Variants in HSPA12A observed in about 807,000 individuals in gnomAD.
HSPA12A encodes heat shock 70 kDa protein 12A.
In HSPA12A, 28 loss-of-function variants were observed where a neutral mutation model predicts 69.2. That is an observed-to-expected ratio of 0.40 (90% CI 0.30 to 0.55). The LOEUF (loss-of-function observed/expected upper bound fraction) is 0.55. Ranked by LOEUF, HSPA12A falls within the 20% of genes least tolerant of loss-of-function variation. HSPA12A has a pLI of 0.38. For missense variants in HSPA12A, 686 were observed against 900.7 expected, an observed-to-expected ratio of 0.76 and a Z score of 3.05; for synonymous variants, 345 against 370.5, an observed-to-expected ratio of 0.93 and a Z score of 0.79.
intron 2 of HSPA12A, among the ~76,000 whole-genome samples, chr10:116,779,242 G>T (rs1207428049): frequency 2.0e-5 from 3 of 152,218 alleles, no homozygotes; most frequent in Admixed American, 2.0e-4. Context: ...CAACACGGAA[G>T]GTCCAGTGCA....
At position 116,710,622 on chromosome 10, in the gene HSPA12A, C is replaced by T. The variant is rs570365884; in HGVS notation, c.41-3337G>A. On this transcript the variant is annotated intron_variant, in intron 1 of 11. Coordinates refer to ENST00000369209, the MANE Select transcript of HSPA12A (RefSeq NM_025015.3). This position sits in a 1 kb window ranked among gnomAD's most constrained non-coding sequence, Gnocchi z 4.1. Reference sequence around the variant, plus strand: ...TCACTCAGCCAGGCCTAGAGGCAGCCGAACTTCATGGACTTTTTCCATCAG... The same window carrying T: ...TCACTCAGCCAGGCCTAGAGGCAGCTGAACTTCATGGACTTTTTCCATCAG... 1.3e-5 allele frequency among the ~76,000 whole-genome samples: 2 copies of T among 152,144 alleles called. No individual in the cohort carries two copies. The highest frequency in any genetic ancestry group is 2.4e-5 in the African/African-American group (1 of 41,436).
chr10:116,784,921 G>A (rs1844545266), intron 2 of HSPA12A, among the ~76,000 whole-genome samples: 1 of 152,188 alleles, frequency 6.6e-6, no homozygotes, highest in African/African-American at 2.4e-5. Flanking sequence ...CAGACAGGGA[G>A]GCAGCTGCTC....
intron 2 of HSPA12A, among the ~76,000 whole-genome samples, chr10:116,795,014 G>A (rs1207725336): frequency 1.3e-5 from 2 of 152,092 alleles, no homozygotes; most frequent in Non-Finnish European, 2.9e-5. Context: ...AGCCTTAATT[G>A]TGAATATATT....
intron 1 of HSPA12A, among the ~76,000 whole-genome samples, chr10:116,848,588 G>A (rs912003373): frequency 1.3e-5 from 2 of 152,084 alleles, no homozygotes; most frequent in African/African-American, 2.4e-5. Context: ...GTCCGTCGCC[G>A]CCCACTCCTG....
At chr10:116,757,329 G>T (rs1214211961) in intron 2 of HSPA12A, among the ~76,000 whole-genome samples, 1 of 152,170 alleles carries the variant, frequency 6.6e-6, no homozygotes, top group African/African-American at 2.4e-5. Flanking sequence ...AGCAGCTCTC[G>T]CATGGGCTGA....
intron 2 of HSPA12A, among the ~76,000 whole-genome samples, chr10:116,752,749 C>T (rs1434377798): frequency 5.9e-5 from 9 of 152,276 alleles, no homozygotes; most frequent in African/African-American, 1.9e-4. Context: ...ACTCATCTAC[C>T]CTCTCTGATT....
chr10:116,700,893 C>T (rs782004031), intron 4 of HSPA12A, 50 bp downstream of exon 4: 3 of 1,582,094 alleles, frequency 1.9e-6, no homozygotes, highest in South Asian at 2.3e-5. Flanking sequence ...CTGGAGGAAG[C>T]TTGGCACTCC....
intron 1 of HSPA12A, among the ~76,000 whole-genome samples, chr10:116,739,394 T>C (rs1662398726): frequency 1.3e-5 from 2 of 152,212 alleles, no homozygotes; most frequent in African/African-American, 2.4e-5. Context: ...GTTTAAAATG[T>C]TTATTTTTAT....
chr10:116,784,620 A>G (rs1554892140), intron 2 of HSPA12A, among the ~76,000 whole-genome samples: 2 of 152,194 alleles, frequency 1.3e-5, no homozygotes, highest in South Asian at 4.1e-4. Flanking sequence ...TATGATTGAC[A>G]TTTATGAAGT....
At chr10:116,767,422 G>A (rs1490975610) in intron 2 of HSPA12A, among the ~76,000 whole-genome samples, 2 of 152,186 alleles carry the variant, frequency 1.3e-5, no homozygotes, top group African/African-American at 4.8e-5. Context: ...AGAGCAGACA[G>A]GAGAGGGTCA....
At chr10:116,797,823 C>T (rs1003980386) in intron 2 of HSPA12A, among the ~76,000 whole-genome samples, 1 of 152,100 alleles carries the variant, frequency 6.6e-6, no homozygotes, top group African/African-American at 2.4e-5. Flanking sequence ...ACACACAGGC[C>T]ACAAAACGGA....
intron 1 of HSPA12A, among the ~76,000 whole-genome samples, chr10:116,835,864 G>T (rs1011807624): frequency 6.6e-6 from 1 of 152,194 alleles, no homozygotes; most frequent in Non-Finnish European, 1.5e-5. Context: ...AAATCAAGCC[G>T]GCGGTGTGTG....
chr10:116,713,287 G>A (rs1850501530), intron 1 of HSPA12A, among the ~76,000 whole-genome samples: 1 of 151,982 alleles, frequency 6.6e-6, no homozygotes, highest in Non-Finnish European at 1.5e-5. Flanking sequence ...TTCCATTTCA[G>A]TAAATAATTT....
At chr10:116,801,282 G>A (rs1276998771) in intron 2 of HSPA12A, among the ~76,000 whole-genome samples, 2 of 152,146 alleles carry the variant, frequency 1.3e-5, no homozygotes, top group African/African-American at 4.8e-5. Context: ...GAAAAGAGAT[G>A]GTGTGTTTTA....
At chr10:116,713,370 C>T (rs536629798) in intron 1 of HSPA12A, among the ~76,000 whole-genome samples, 44 of 152,188 alleles carry the variant, frequency 2.9e-4, no homozygotes, top group African/African-American at 1.0e-3. Context: ...CCAGGAGACC[C>T]TCTCACTACA....
At position 116,683,872 on chromosome 10, in the gene HSPA12A, G is replaced by A. The variant is rs782495836; in HGVS notation, c.754C>T (p.His252Tyr). ...ASIYCRKLRL[H>Y]QMIELSSKAA... is the part of the protein sequence containing the mutation. ...TTGCTGCTCAGCTCAATCATCTGGTGTAGCCGCAGCTTTCGGCAGTAGATA... is the reference window on the plus strand; with the variant it reads ...TTGCTGCTCAGCTCAATCATCTGGTATAGCCGCAGCTTTCGGCAGTAGATA... The change falls in exon 7 of 12, where the codon CAC (histidine) becomes TAC (tyrosine). Residue 252 changes from histidine to tyrosine, a missense_variant. By Grantham distance (83) the His-to-Tyr change is moderately conservative. Coordinates refer to ENST00000369209, the MANE Select transcript of HSPA12A (RefSeq NM_025015.3). 23 of 1,601,258 alleles carry A rather than the reference G, an allele frequency of 1.4e-5. No homozygotes were observed. The highest frequency in any genetic ancestry group is 1.9e-5 in the Non-Finnish European group (22 of 1,170,142).
intron 2 of HSPA12A, among the ~76,000 whole-genome samples, chr10:116,777,787 G>T (rs1443795330): frequency 6.6e-6 from 1 of 152,228 alleles, no homozygotes; most frequent in African/African-American, 2.4e-5. Context: ...GAGTACAGTG[G>T]CGCAATCTCA....
chr10:116,710,731 T>C lies in HSPA12A; in HGVS notation c.41-3446A>G, dbSNP rs1252842497. On this transcript the variant is annotated intron_variant, in intron 1 of 11. Coordinates refer to ENST00000369209, the MANE Select transcript of HSPA12A (RefSeq NM_025015.3). This position sits in a 1 kb window ranked among gnomAD's most constrained non-coding sequence, Gnocchi z 4.1. Reference sequence around the variant, plus strand: ...GAGGGGTAACATTTTCAGAGATACCTGCACATGGTGCACACCCACATCTAT... The same window carrying C: ...GAGGGGTAACATTTTCAGAGATACCCGCACATGGTGCACACCCACATCTAT... Among the ~76,000 whole-genome samples the C allele has an allele frequency of 2.0e-5, 3 of 152,242 alleles. No individual in the cohort carries two copies. The highest frequency in any genetic ancestry group is 2.9e-5 in the Non-Finnish European group (2 of 68,048).
chr10:116,827,624 TG>T (rs1018417166), intron 2 of HSPA12A: 3 of 152,258 alleles, frequency 2.0e-5, no homozygotes, highest in African/African-American at 7.2e-5. Context: ...AGCGCAGTGG[TG>T]GGGAAGAGTG....
Sources: gnomAD v4.1 joint callset for allele counts (sites outside exome capture counted in the v4.1 genomes callset) on GRCh38, gnomAD v4.1.1 for gene constraint, Gnocchi (gnomAD v3.1) non-coding constraint, MANE v1.5 for transcripts, NCBI Gene and HGNC (gene_info 2026-07-23, HGNC 2026-07-21) for gene names.